ULK4: variants seen among roughly 807,000 people sequenced by gnomAD.
The protein encoded by ULK4 is inactive serine/threonine-protein kinase ULK4.
In ULK4, 133 loss-of-function variants were observed where a neutral mutation model predicts 160.6. The observed-to-expected ratio is 0.83, with a 90% CI of 0.72 to 0.96. The LOEUF (loss-of-function observed/expected upper bound fraction) is 0.96, where lower values mean the gene tolerates loss of function less well. Ranked by LOEUF, ULK4 falls within the 40% of genes least tolerant of loss-of-function variation. ULK4 has a pLI of 0.00. For synonymous variants in ULK4, 534 were observed against 539.8 expected, an observed-to-expected ratio of 0.99 and a Z score of 0.15; for missense variants, 1,580 against 1,499.5, an observed-to-expected ratio of 1.05 and a Z score of -0.89.
At chr3:41,670,548 T>C (rs192810779) in intron 29 of ULK4, among the ~76,000 whole-genome samples, 81 of 152,132 alleles carry the variant, frequency 5.3e-4, no homozygotes, top group Admixed American at 3.5e-3. Flanking sequence ...AAAACCTATA[T>C]ATACACTCAT....
chr3:41,856,628 T>C (rs1319499916), intron 17 of ULK4, among the ~76,000 whole-genome samples: 5 of 132,190 alleles, frequency 3.8e-5, no homozygotes, highest in African/African-American at 1.5e-4. Flanking sequence ...CATATATATA[T>C]ATGTATATAT....
intron 32 of ULK4, among the ~76,000 whole-genome samples, chr3:41,485,142 G>T (rs927947009): frequency 5.9e-5 from 9 of 152,138 alleles, no homozygotes; most frequent in African/African-American, 2.2e-4. Flanking sequence ...TGAGACTCAG[G>T]AGGTTAAGTA....
At chr3:41,559,020 T>TC (rs1183770417) in intron 32 of ULK4, among the ~76,000 whole-genome samples, 3 of 133,032 alleles carry the variant, frequency 2.3e-5, no homozygotes, top group Non-Finnish European at 5.0e-5. Context: ...ATGCTATCCC[T>TC]CCCCCCTACC....
chr3:41,316,570 A>G (rs1429823054), intron 35 of ULK4, among the ~76,000 whole-genome samples: 6 of 152,206 alleles, frequency 3.9e-5, no homozygotes, highest in Admixed American at 3.9e-4. Context: ...TACTGAGCAC[A>G]CATGGGCATA....
chr3:41,637,110 T>C (rs933517498), intron 30 of ULK4, among the ~76,000 whole-genome samples: 1 of 152,180 alleles, frequency 6.6e-6, no homozygotes, highest in African/African-American at 2.4e-5. Context: ...TTCAAAAATA[T>C]AACACATTGC....
intron 21 of ULK4, among the ~76,000 whole-genome samples, chr3:41,774,271 C>G (rs1365931180): frequency 6.6e-6 from 1 of 151,116 alleles, no homozygotes; most frequent in African/African-American, 2.5e-5. Context: ...AAACCACCAT[C>G]AGAGTGAACA....
chr3:41,879,123 T>C (rs1219542047), intron 17 of ULK4, among the ~76,000 whole-genome samples: 1 of 152,072 alleles, frequency 6.6e-6, no homozygotes, highest in Non-Finnish European at 1.5e-5. Context: ...AGGGTCACAA[T>C]ATCTAAACGC....
chr3:41,800,126 T>C lies in ULK4; in HGVS notation c.2010+6A>G, dbSNP rs150532526. 0.017 allele frequency: 26,810 copies of C among 1,584,098 alleles called. 326 individuals are homozygous for C. Among genetic ancestry groups the C allele is most frequent in the Non-Finnish European group, 0.019 (21,855 of 1,169,182 alleles). ...GACATATCCCCCAAAAGATGCTTCA[T>C]CTTACCGATACTGCTGTTATCCTAA... On this transcript the variant is annotated splice_donor_region_variant and intron_variant, in intron 20 of 36. Coordinates refer to ENST00000301831, the MANE Select transcript of ULK4 (RefSeq NM_017886.4).
At chr3:41,343,648 A>G (rs2080736252) in intron 35 of ULK4, among the ~76,000 whole-genome samples, 2 of 152,222 alleles carry the variant, frequency 1.3e-5, no homozygotes, top group Admixed American at 6.5e-5. Flanking sequence ...CAACTTCAGC[A>G]AAATCTCAGG....
At chr3:41,717,672 C>A in intron 23 of ULK4, 56 bp downstream of exon 23, 2 of 1,553,988 alleles carry the variant, frequency 1.3e-6, no homozygotes, top group Non-Finnish European at 8.8e-7. Context: ...GCCTAAAAGC[C>A]AAGTCTTAGA....
At chr3:41,316,343 C>T (rs2080142608) in intron 35 of ULK4, among the ~76,000 whole-genome samples, 1 of 152,124 alleles carries the variant, frequency 6.6e-6, no homozygotes, top group South Asian at 2.1e-4. Context: ...TGCACAACTG[C>T]TAATACACTA....
intron 19 of ULK4, 151 bp from the exon 20 acceptor site, chr3:41,800,444 T>C: frequency 1.5e-6 from 1 of 685,584 alleles, no homozygotes; most frequent in Non-Finnish European, 2.4e-6. Context: ...CTCTTTCAGG[T>C]CATTATGAAA....
chr3:41,275,626 G>A (rs1311097007), intron 35 of ULK4, among the ~76,000 whole-genome samples: 1 of 152,120 alleles, frequency 6.6e-6, no homozygotes, highest in Admixed American at 6.5e-5. Flanking sequence ...GATAGGGGGT[G>A]GGAAAAAATC....
rs1372723943 is a variant in ULK4, at chr3:41,747,195, TGTTAA to T, written c.2321+7161_2321+7165del. ...AACACTTTGGTTCTGTAAAATATCC[TGTTAA>T]GATAAGATGACAAGCTACACATGGA... is the stretch of plus-strand genomic sequence containing the variant. On this transcript the variant is annotated intron_variant, in intron 22 of 36. Coordinates refer to ENST00000301831, the MANE Select transcript of ULK4 (RefSeq NM_017886.4). Among the ~76,000 whole-genome samples the T allele has an allele frequency of 2.1e-4, 32 of 152,058 alleles. 1 individual carries two copies. Among genetic ancestry groups the T allele is most frequent in the African/African-American group, 7.7e-4 (32 of 41,310 alleles).
intron 17 of ULK4, among the ~76,000 whole-genome samples, chr3:41,842,912 A>C (rs2041970896): frequency 6.6e-6 from 1 of 152,228 alleles, no homozygotes; most frequent in Non-Finnish European, 1.5e-5. Context: ...GTGCAAAGGC[A>C]GTCCAATGGA....
At chr3:41,265,958 C>A (rs2079024502) in intron 35 of ULK4, among the ~76,000 whole-genome samples, 1 of 152,206 alleles carries the variant, frequency 6.6e-6, no homozygotes, top group African/African-American at 2.4e-5. Context: ...CTGGTCCACA[C>A]ACCCCCTGCT....
chr3:41,581,506 T>C (rs994901355), intron 31 of ULK4, among the ~76,000 whole-genome samples: 1 of 152,230 alleles, frequency 6.6e-6, no homozygotes, highest in East Asian at 1.9e-4. Flanking sequence ...TCATTTTGAA[T>C]AGTCTTCCCT....
chr3:41,771,742 A>C (rs1392465543), intron 21 of ULK4, among the ~76,000 whole-genome samples: 1 of 152,206 alleles, frequency 6.6e-6, no homozygotes, highest in South Asian at 2.1e-4. Flanking sequence ...AAAAATTCAA[A>C]AGTGAAGCAA....
chr3:41,833,428 T>C (rs2041658129), intron 18 of ULK4, among the ~76,000 whole-genome samples: 1 of 152,082 alleles, frequency 6.6e-6, no homozygotes, highest in Non-Finnish European at 1.5e-5. Context: ...CCCGAGTAGC[T>C]GGGACTACCA....
Sources: allele counts gnomAD v4.1 joint callset (sites outside exome capture counted in the v4.1 genomes callset), GRCh38; gene constraint gnomAD v4.1.1; transcripts MANE v1.5; gene names NCBI Gene and HGNC (gene_info 2026-07-23, HGNC 2026-07-21).